ZC3H14: variants seen among roughly 807,000 people sequenced by gnomAD.
ZC3H14 encodes the protein zinc finger CCCH-type containing 14, also known as zinc finger CCCH domain-containing protein 14.
ZC3H14 carries 31 observed loss-of-function variants against 92.4 expected under a neutral mutation model. The ratio of observed to expected loss-of-function variants is 0.34; its 90% CI spans 0.25 to 0.45. The LOEUF is 0.45. Ranked by LOEUF, ZC3H14 falls within the 20% of genes least tolerant of loss-of-function variation. The probability of loss-of-function intolerance (pLI) is 1.00; values close to 1 mark genes in which losing one functional copy is unlikely to be tolerated. For missense variants in ZC3H14, 781 were observed against 897.3 expected (o/e 0.87, Z 1.66); for synonymous variants, 321 against 300.9 (o/e 1.07, Z -0.69).
intron 9 of ZC3H14, among the ~76,000 whole-genome samples, chr14:88,585,441 A>G (rs1316578809): frequency 6.8e-6 from 1 of 147,924 alleles, no homozygotes; most frequent in Non-Finnish European, 1.5e-5. Context: ...TAGTAGCGCG[A>G]TCTCGGCTCA....
Position 88,614,992 on chromosome 14 carries a change from ATTCT to A in ZC3H14, c.*3247_*3250del, listed in dbSNP as rs939528154. On this transcript the variant is annotated 3_prime_UTR_variant, in exon 17 of 17. Transcript: ENST00000251038. ...TATATTAGACTACATTAAATATGCA[ATTCT>A]TTCTTCCAGTTAAATACTGTTGCTC... is the stretch of plus-strand genomic sequence containing the variant. The A allele has an allele frequency of 6.6e-6, 1 of 152,202 alleles. No individual in the cohort carries two copies. Among genetic ancestry groups the A allele is most frequent in the African/African-American group, 2.4e-5 (1 of 41,464 alleles). The allele number at this position is 152,202 out of a possible 1,614,324, so 9.4% of individuals were successfully genotyped here.
chr14:88,620,178 C>T lies in ZC3H14; in HGVS notation c.*8427C>T, dbSNP rs1325773879. On this transcript the variant is annotated 3_prime_UTR_variant, in exon 17 of 17. Coordinates refer to ENST00000251038, the MANE Select transcript of ZC3H14 (RefSeq NM_024824.5). This position sits in a 1 kb window ranked among gnomAD's most constrained non-coding sequence, Gnocchi z 4.3. ...AAGGATTTTACTGATGAAAAGTGTA[C>T]AAGCTTTTGACAGACCTAGATTCAA... The T allele has an allele frequency of 3.3e-5, 5 of 152,142 alleles. No homozygotes were observed. The highest frequency in any genetic ancestry group is 1.2e-4 in the African/African-American group (5 of 41,428). 9.4% of individuals were successfully genotyped at this position (152,142 alleles called of 1,614,324 possible).
rs183471234 is a variant in ZC3H14 at position 88,622,047 on chromosome 14, C to T, written c.*10296C>T. The T allele has an allele frequency of 6.5e-5, 21 of 324,096 alleles. No homozygotes were observed. Among genetic ancestry groups the T allele is most frequent in the African/African-American group, 2.6e-4 (12 of 46,792 alleles). 20.1% of individuals were successfully genotyped at this position (324,096 alleles called of 1,614,324 possible). A position where few individuals can be genotyped will look rare whatever the true frequency, so the allele number is the denominator to read the frequency against. On this transcript the variant is annotated 3_prime_UTR_variant, in exon 17 of 17. Transcript: ENST00000251038. Reference sequence around the variant, plus strand: ...TATCCCCCTCCCCCTCCCCCTTGTCCGCCTCCAGTAACCACTATTCTACTC... The same window carrying T: ...TATCCCCCTCCCCCTCCCCCTTGTCTGCCTCCAGTAACCACTATTCTACTC...
At position 88,620,951 on chromosome 14, in the gene ZC3H14, A is replaced by G. The variant is rs2088803956; in HGVS notation, c.*9200A>G. ...TCTGCATTTAAAAAAAAAAAAAAAA[A>G]GAGTCATAGGAAACATTAAGTGAAG... is the stretch of plus-strand genomic sequence containing the variant. On this transcript the variant is annotated 3_prime_UTR_variant, in exon 17 of 17. Transcript: ENST00000251038. This position sits in a 1 kb window ranked among gnomAD's most constrained non-coding sequence, Gnocchi z 4.3. The G allele has an allele frequency of 1.4e-6, 2 of 1,464,038 alleles. No homozygotes were observed. 90.7% of individuals were successfully genotyped at this position (1,464,038 alleles called of 1,614,324 possible).
At position 88,615,535 on chromosome 14, in the gene ZC3H14, G is replaced by A. The variant is rs943580841; in HGVS notation, c.*3784G>A. 6 of 339,918 alleles carry A rather than the reference G, an allele frequency of 1.8e-5. No individual in the cohort carries two copies. The highest frequency in any genetic ancestry group is 3.2e-5 in the Non-Finnish European group (6 of 188,566). 21.1% of individuals were successfully genotyped at this position (339,918 alleles called of 1,614,324 possible). A position where few individuals can be genotyped will look rare whatever the true frequency, so the allele number is the denominator to read the frequency against. On this transcript the variant is annotated 3_prime_UTR_variant, in exon 17 of 17. Transcript: ENST00000251038. ...CCTAAATTTTCCCAGCAGGTCTGCC[G>A]AAATCACACACTTCCCAATACAGGG...
intron 9 of ZC3H14, among the ~76,000 whole-genome samples, chr14:88,593,071 G>A (rs1013835732): frequency 2.0e-5 from 3 of 150,964 alleles, no homozygotes; most frequent in African/African-American, 7.3e-5. Flanking sequence ...GGGTTCAAGC[G>A]ATTCTCCTGC....
chr14:88,594,618 T>A, intron 9 of ZC3H14: 1 of 1,598,044 alleles, frequency 6.3e-7, no homozygotes, highest in Non-Finnish European at 8.5e-7. Context: ...ACAGCCTTGA[T>A]CACTGCTTTT....
intron 8 of ZC3H14, 21 bp from the exon 9 acceptor site, chr14:88,577,963 CT>C: frequency 6.2e-7 from 1 of 1,613,820 alleles, no homozygotes. Flanking sequence ...GTATTTCTAT[CT>C]TTTTTGCTTT....
At chr14:88,568,955 C>T (rs540519166) in intron 3 of ZC3H14, among the ~76,000 whole-genome samples, 10 of 152,112 alleles carry the variant, frequency 6.6e-5, no homozygotes, top group South Asian at 2.1e-4. Flanking sequence ...AATCATGGCT[C>T]GCTGCAGCCT....
At chr14:88,603,215 T>C (rs2084891772) in intron 12 of ZC3H14, among the ~76,000 whole-genome samples, 155 bp downstream of exon 12, 1 of 152,218 alleles carries the variant, frequency 6.6e-6, no homozygotes, top group African/African-American at 2.4e-5. Flanking sequence ...ACCAAGTACA[T>C]TTCAGACTCT....
intron 12 of ZC3H14, among the ~76,000 whole-genome samples, chr14:88,606,815 A>G (rs2085490620): frequency 6.6e-6 from 1 of 151,438 alleles, no homozygotes; most frequent in Non-Finnish European, 1.5e-5. Flanking sequence ...ACAGCTCAGC[A>G]GGTGGGAATC....
At chr14:88,571,021 G>A (rs886232023) in intron 3 of ZC3H14, 63 bp from the exon 4 acceptor site, 6 of 1,300,096 alleles carry the variant, frequency 4.6e-6, no homozygotes, top group African/African-American at 4.5e-5. Flanking sequence ...AATTTAGAGT[G>A]ACAGTTGAAA....
chr14:88,582,462 T>C (rs534058572), intron 9 of ZC3H14, among the ~76,000 whole-genome samples: 132 of 152,230 alleles, frequency 8.7e-4, no homozygotes, highest in African/African-American at 3.0e-3. Flanking sequence ...AGGAGCAGGA[T>C]TAAATTGTAG....
At chr14:88,598,328 T>G (rs886628294) in intron 10 of ZC3H14, among the ~76,000 whole-genome samples, 1 of 152,248 alleles carries the variant, frequency 6.6e-6, no homozygotes. Flanking sequence ...GACTTTCCTC[T>G]CAGGCTGGTC....
intron 10 of ZC3H14, among the ~76,000 whole-genome samples, chr14:88,599,934 G>T (rs575773039): frequency 8.5e-5 from 13 of 152,276 alleles, no homozygotes; most frequent in African/African-American, 3.1e-4. Context: ...AACCGACTTT[G>T]TAGGCTTTGA....
intron 8 of ZC3H14, 52 bp from the exon 9 acceptor site, chr14:88,577,933 T>G: frequency 6.2e-7 from 1 of 1,607,468 alleles, no homozygotes. Flanking sequence ...ACTGTGGAGT[T>G]TTGACGTATT....
In ZC3H14 at chr14:88,615,154, A is replaced by G. The variant is rs770159357; in HGVS notation, c.*3403A>G. 1 of 152,182 alleles carries G rather than the reference A, an allele frequency of 6.6e-6. No individual in the cohort carries two copies. Among genetic ancestry groups the G allele is most frequent in the Non-Finnish European group, 1.5e-5 (1 of 68,038 alleles). The allele number at this position is 152,182 out of a possible 1,614,324, so 9.4% of individuals were successfully genotyped here. ...CTGAACATAAACTGATGGCTCGAAA[A>G]TGAAAATGGAAATGTAGCAGCCATA... On this transcript the variant is annotated 3_prime_UTR_variant, in exon 17 of 17. Coordinates refer to ENST00000251038, the MANE Select transcript of ZC3H14 (RefSeq NM_024824.5).
chr14:88,616,328 A>T lies in ZC3H14; in HGVS notation c.*4577A>T. Reference sequence around the variant, plus strand: ...ATTAGGAACTATAATCTCTATGACAAGAGCTGTGGAGAGAGTAGGGAGTTA... The same window carrying T: ...ATTAGGAACTATAATCTCTATGACATGAGCTGTGGAGAGAGTAGGGAGTTA... On this transcript the variant is annotated 3_prime_UTR_variant, in exon 17 of 17. Coordinates refer to ENST00000251038, the MANE Select transcript of ZC3H14 (RefSeq NM_024824.5). 7.8e-7 allele frequency: 1 copy of T among 1,275,328 alleles called. No homozygotes were observed. Among genetic ancestry groups the T allele is most frequent in the Non-Finnish European group, 1.1e-6 (1 of 878,334 alleles). The allele number at this position is 1,275,328 out of a possible 1,614,324, so 79.0% of individuals were successfully genotyped here.
Position 88,615,267 on chromosome 14 carries a change from A to C in ZC3H14, c.*3516A>C, listed in dbSNP as rs2087418073. 6.6e-6 allele frequency: 1 copy of C among 152,230 alleles called. No homozygotes were observed. Among genetic ancestry groups the C allele is most frequent in the South Asian group, 2.1e-4 (1 of 4,830 alleles). 9.4% of individuals were successfully genotyped at this position (152,230 alleles called of 1,614,324 possible). On this transcript the variant is annotated 3_prime_UTR_variant, in exon 17 of 17. Transcript: ENST00000251038. ...AAAAGGACCTTATTAATGCCTAAAA[A>C]ACATCATATTCTCTAGGAAAGCTTG...
Sources: allele counts gnomAD v4.1 joint callset (sites outside exome capture counted in the v4.1 genomes callset), GRCh38; gene constraint gnomAD v4.1.1; non-coding constraint Gnocchi (gnomAD v3.1); transcripts MANE v1.5; gene names NCBI Gene and HGNC (gene_info 2026-07-23, HGNC 2026-07-21).